PRKCE: variants seen among roughly 807,000 people sequenced by gnomAD.
PRKCE encodes protein kinase C epsilon type.
Under a neutral mutation model 85.4 loss-of-function variants are expected in PRKCE, and 16 were observed. The observed-to-expected ratio is 0.19, with a 90% CI of 0.13 to 0.28. The LOEUF (loss-of-function observed/expected upper bound fraction) is 0.28. Among genes scored for constraint, PRKCE ranks in the 10% least tolerant of loss-of-function variants. The pLI is 1.00. For synonymous variants in PRKCE, 388 were observed against 371.5 expected (o/e 1.04, Z -0.51); for missense variants, 573 against 975.2 (o/e 0.59, Z 5.49).
At position 46,011,405 on chromosome 2, in the gene PRKCE, T is replaced by C. The variant is rs1248885935; in HGVS notation, c.1437+888T>C. On this transcript the variant is annotated intron_variant, in intron 10 of 14. Transcript: ENST00000306156. ...CCACTTAAAATTCAATAGTTATTCA[T>C]TGAGTCATTTGGCAAACTTTTCTTT... 3.3e-5 allele frequency among the ~76,000 whole-genome samples: 5 copies of C among 152,228 alleles called. No individual in the cohort carries two copies. In the South Asian group the frequency reaches 1.0e-3, roughly 32 times the overall value.
chr2:45,829,552 G>A (rs575091566), intron 1 of PRKCE, among the ~76,000 whole-genome samples: 1 of 152,274 alleles, frequency 6.6e-6, no homozygotes, highest in Non-Finnish European at 1.5e-5. Context: ...GTAGAAGGTG[G>A]GGTGGCAGCT....
chr2:45,841,870 A>G (rs141481639), intron 1 of PRKCE, among the ~76,000 whole-genome samples: 35 of 152,330 alleles, frequency 2.3e-4, no homozygotes, highest in African/African-American at 7.9e-4. Flanking sequence ...TTCTTGCTAA[A>G]TGCTTGCCTG....
intron 2 of PRKCE, among the ~76,000 whole-genome samples, chr2:45,937,080 C>T (rs1699516894): frequency 6.6e-6 from 1 of 152,184 alleles, no homozygotes; most frequent in Non-Finnish European, 1.5e-5. Flanking sequence ...AAGAAGAGTG[C>T]TCCCAGGGGA....
intron 11 of PRKCE, among the ~76,000 whole-genome samples, chr2:46,088,079 T>C (rs1425850575): frequency 1.3e-5 from 2 of 152,190 alleles, no homozygotes; most frequent in East Asian, 3.8e-4. Flanking sequence ...CCAGTAGTGA[T>C]ATCACATCAG....
At chr2:46,096,024 A>T (rs1449039713) in intron 11 of PRKCE, among the ~76,000 whole-genome samples, 1 of 152,166 alleles carries the variant, frequency 6.6e-6, no homozygotes, top group Non-Finnish European at 1.5e-5. Flanking sequence ...ACATCCTACC[A>T]CCATCACTGG....
chr2:45,917,712 G>A (rs1697912365), intron 2 of PRKCE, among the ~76,000 whole-genome samples: 1 of 152,216 alleles, frequency 6.6e-6, no homozygotes, highest in South Asian at 2.1e-4. Context: ...TGGGCGCCGT[G>A]GAGCAGGGGG....
At chr2:45,736,260 C>T (rs555266183) in intron 1 of PRKCE, among the ~76,000 whole-genome samples, 21 of 152,114 alleles carry the variant, frequency 1.4e-4, no homozygotes, top group Non-Finnish European at 2.8e-4. Flanking sequence ...TGTGCCTGAC[C>T]GACATACACA....
intron 2 of PRKCE, among the ~76,000 whole-genome samples, chr2:45,968,574 A>C (rs981537097): frequency 1.3e-5 from 2 of 152,242 alleles, no homozygotes; most frequent in Non-Finnish European, 2.9e-5. Flanking sequence ...AGACTTCGCT[A>C]CCATGTCATT....
At chr2:46,173,754 C>T (rs529970329) in intron 14 of PRKCE, among the ~76,000 whole-genome samples, 1 of 152,346 alleles carries the variant, frequency 6.6e-6, no homozygotes, top group Admixed American at 6.5e-5. Flanking sequence ...ATGGCAATCC[C>T]TGAAAGCTGT....
At chr2:46,108,351 TG>T (rs1179060113) in intron 11 of PRKCE, among the ~76,000 whole-genome samples, 6 of 152,366 alleles carry the variant, frequency 3.9e-5, no homozygotes, top group African/African-American at 1.4e-4. Flanking sequence ...TCATATCTTT[TG>T]CAGTAACACA....
intron 10 of PRKCE, chr2:46,011,049 A>AG (rs1015804190): frequency 1.2e-5 from 10 of 853,180 alleles, no homozygotes; most frequent in Non-Finnish European, 1.6e-5. Context: ...GTGGCAGTAA[A>AG]GAAACAAAGA....
chr2:45,745,167 C>T (rs1318130944), intron 1 of PRKCE, among the ~76,000 whole-genome samples: 1 of 152,178 alleles, frequency 6.6e-6, no homozygotes, highest in Non-Finnish European at 1.5e-5. Context: ...TTGTCCCTGT[C>T]TGTCATGCGG....
intron 10 of PRKCE, among the ~76,000 whole-genome samples, chr2:46,050,977 A>T (rs1204788480): frequency 6.6e-6 from 1 of 152,132 alleles, no homozygotes; most frequent in Non-Finnish European, 1.5e-5. Context: ...CCTCACTGTC[A>T]TCACTTCCTT....
chr2:45,935,067 T>TCTCTCTCACACACA (rs34264556), intron 2 of PRKCE, among the ~76,000 whole-genome samples: 43 of 146,354 alleles, frequency 2.9e-4, no homozygotes, highest in African/African-American at 1.0e-3. Flanking sequence ...ACTCTCTCTC[T>TCTCTCTCACACACA]CACACACACA....
intron 11 of PRKCE, among the ~76,000 whole-genome samples, chr2:46,113,323 G>T (rs1375054): frequency 0.4 from 61,554 of 152,036 alleles, 14,131 homozygotes; most frequent in East Asian, 0.53. Flanking sequence ...AATCCCAGAC[G>T]GTACTTACAG....
chr2:45,885,001 A>ATTTTT (rs55883420), intron 2 of PRKCE, among the ~76,000 whole-genome samples: 2 of 71,544 alleles, frequency 2.8e-5, no homozygotes, highest in Non-Finnish European at 2.7e-5. Flanking sequence ...ATATATATAT[A>ATTTTT]TTTGTTGTTG....
At chr2:45,910,495 C>T (rs1417850419) in intron 2 of PRKCE, among the ~76,000 whole-genome samples, 1 of 152,200 alleles carries the variant, frequency 6.6e-6, no homozygotes, top group Non-Finnish European at 1.5e-5. Context: ...GAGCACCTTA[C>T]ATGGGAGTAG....
intron 6 of PRKCE, among the ~76,000 whole-genome samples, chr2:45,994,108 T>G (rs1260429132): frequency 2.0e-5 from 3 of 152,134 alleles, no homozygotes; most frequent in African/African-American, 7.2e-5. Flanking sequence ...ACAGTTTTGG[T>G]TTTTAAACAT....
At chr2:46,091,224 C>G (rs1670140511) in intron 11 of PRKCE, among the ~76,000 whole-genome samples, 1 of 152,120 alleles carries the variant, frequency 6.6e-6, no homozygotes, top group Non-Finnish European at 1.5e-5. Context: ...TCCACTTTTC[C>G]TAATTATGGC....
Sources: allele counts gnomAD v4.1 joint callset (sites outside exome capture counted in the v4.1 genomes callset), GRCh38; gene constraint gnomAD v4.1.1; transcripts MANE v1.5; gene names NCBI Gene and HGNC (gene_info 2026-07-23, HGNC 2026-07-21).